The following LMNTD1 variants were observed in gnomAD, a reference collection of about 807,000 sequenced individuals.
LMNTD1 encodes the protein lamin tail domain containing 1.
In LMNTD1, 35 loss-of-function variants were observed where a neutral mutation model predicts 50.9. The ratio of observed to expected loss-of-function variants is 0.69; its 90% CI spans 0.53 to 0.91. The LOEUF is 0.91. LMNTD1 is among the 40% of genes least tolerant of loss of function. The pLI is 0.00. For synonymous variants in LMNTD1, 153 were observed against 161.9 expected (o/e 0.94, Z 0.42); for missense variants, 470 against 475.5 (o/e 0.99, Z 0.11).
chr12:25,506,739 G>A (rs569528042), intron 8 of LMNTD1, among the ~76,000 whole-genome samples: 10 of 149,002 alleles, frequency 6.7e-5, no homozygotes, highest in Admixed American at 2.7e-4. Flanking sequence ...TCAAAAAATT[G>A]GTCTTATTTA....
chr12:25,629,249 C>T (rs1266201849), intron 1 of LMNTD1, among the ~76,000 whole-genome samples: 4 of 152,140 alleles, frequency 2.6e-5, no homozygotes, highest in East Asian at 1.9e-4. Flanking sequence ...AGTAGAGTTA[C>T]GGTTTCTCAC....
At chr12:25,546,650 CA>C (rs1287451109) in intron 3 of LMNTD1, 96 bp from the exon 4 acceptor site, 3 of 660,714 alleles carry the variant, frequency 4.5e-6, no homozygotes, top group Non-Finnish European at 6.7e-6. Context: ...TCTGCTTCTA[CA>C]AAATTATATT....
At chr12:25,631,703 C>A (rs1592122880) in intron 1 of LMNTD1, among the ~76,000 whole-genome samples, 1 of 152,140 alleles carries the variant, frequency 6.6e-6, no homozygotes, top group Admixed American at 6.5e-5. Flanking sequence ...TGAGAAAGAA[C>A]CAGAAAACCA....
intron 1 of LMNTD1, among the ~76,000 whole-genome samples, chr12:25,616,981 A>G (rs1329183301): frequency 6.6e-6 from 1 of 152,186 alleles, no homozygotes; most frequent in Non-Finnish European, 1.5e-5. Context: ...GATGAAGTAT[A>G]CTGTATGTAA....
chr12:25,493,271 A>G (rs1236977349), intron 9 of LMNTD1, among the ~76,000 whole-genome samples: 1 of 152,220 alleles, frequency 6.6e-6, no homozygotes, highest in African/African-American at 2.4e-5. Context: ...GATGATTACA[A>G]TGCATAACAG....
intron 4 of LMNTD1, among the ~76,000 whole-genome samples, chr12:25,530,133 C>T (rs754131130): frequency 1.3e-5 from 2 of 152,098 alleles, no homozygotes; most frequent in African/African-American, 4.8e-5. Flanking sequence ...CTCAGTTTTC[C>T]TCTTTGATGA....
chr12:25,494,096 A>G (rs1938981243), intron 9 of LMNTD1, among the ~76,000 whole-genome samples: 1 of 152,226 alleles, frequency 6.6e-6, no homozygotes, highest in Admixed American at 6.5e-5. Context: ...GGCATAAGAC[A>G]TAAACTTGAA....
intron 9 of LMNTD1, among the ~76,000 whole-genome samples, chr12:25,493,127 T>C (rs1464600416): frequency 6.6e-6 from 1 of 152,224 alleles, no homozygotes; most frequent in Non-Finnish European, 1.5e-5. Flanking sequence ...GTTGTAGTAC[T>C]TCTATGATTC....
chr12:25,503,903 A>G (rs1208982506), intron 8 of LMNTD1, 103 bp from the exon 9 acceptor site: 3 of 603,516 alleles, frequency 5.0e-6, no homozygotes, highest in African/African-American at 3.8e-5. Flanking sequence ...TGTTAAAACA[A>G]ATCCTGGAAT....
At chr12:25,646,885 T>C (rs1014155122) in intron 1 of LMNTD1, among the ~76,000 whole-genome samples, 3 of 152,236 alleles carry the variant, frequency 2.0e-5, no homozygotes, top group Admixed American at 6.5e-5. Context: ...CTTTCAACTT[T>C]GAAATTCAAA....
At chr12:25,629,088 A>T (rs1161374858) in intron 1 of LMNTD1, among the ~76,000 whole-genome samples, 2 of 152,226 alleles carry the variant, frequency 1.3e-5, no homozygotes, top group Non-Finnish European at 2.9e-5. Flanking sequence ...AAGATGTAGA[A>T]ATGTTTATTA....
intron 1 of LMNTD1, among the ~76,000 whole-genome samples, chr12:25,614,394 G>T (rs1250257219): frequency 3.3e-5 from 5 of 152,010 alleles, no homozygotes; most frequent in Non-Finnish European, 7.4e-5. Context: ...CCAGGTATCT[G>T]GGTGACACCT....
intron 4 of LMNTD1, among the ~76,000 whole-genome samples, chr12:25,527,729 C>CAT (rs1941913146): frequency 7.7e-6 from 1 of 129,842 alleles, no homozygotes; most frequent in Non-Finnish European, 1.7e-5. Context: ...CATATACACA[C>CAT]ATATATATAC....
At chr12:25,541,279 A>G (rs1943053921) in intron 4 of LMNTD1, among the ~76,000 whole-genome samples, 1 of 107,254 alleles carries the variant, frequency 9.3e-6, no homozygotes. Context: ...TTCAATCCTA[A>G]GCCAAAAGAA....
intron 1 of LMNTD1, among the ~76,000 whole-genome samples, chr12:25,560,284 G>A (rs540047353): frequency 1.2e-3 from 187 of 152,202 alleles, no homozygotes; most frequent in Non-Finnish European, 2.3e-3. Context: ...TCCCAGCACC[G>A]TTTATTAAAT....
In LMNTD1 at chr12:25,546,527, T is replaced by A. The variant is rs142943069; in HGVS notation, c.338A>T (p.Lys113Ile). The stretch of plus-strand genomic sequence containing the variant: ...CCCAATCATGGGTGATTCATCCTGT[T>A]TCTTCGGAACTGAGAAGGGGCTGGC... ...LDASPFSVPK[K>I]QDESPMIGDG... Residue 113 changes from lysine (K) to isoleucine (I), a missense_variant, in exon 4 of 10, where the codon AAA becomes ATA. Transcript: ENST00000458174. The A allele has an allele frequency of 1.9e-6, 3 of 1,568,986 alleles. No individual in the cohort carries two copies. Among genetic ancestry groups the A allele is most frequent in the Non-Finnish European group, 2.6e-6 (3 of 1,155,488 alleles).
At chr12:25,579,594 G>A (rs556945531) in intron 1 of LMNTD1, among the ~76,000 whole-genome samples, 5 of 152,202 alleles carry the variant, frequency 3.3e-5, no homozygotes, top group African/African-American at 9.6e-5. Context: ...TAGGTGTTCT[G>A]TATGGCACAC....
Position 25,646,797 on chromosome 12 carries a change from T to A in LMNTD1, c.58+1697A>T, listed in dbSNP as rs560104864. Among the ~76,000 whole-genome samples, 22 of 152,308 alleles carry A rather than the reference T, an allele frequency of 1.4e-4. 1 individual carries two copies. Among genetic ancestry groups the A allele is most frequent in the Admixed American group, 1.4e-3 (21 of 15,292 alleles). ...AAAATCCTTAAAAGGTAGGTAAGGA[T>A]CTATTGGAGCTTAGAAAATGTAAAT... On this transcript the variant is annotated intron_variant, in intron 1 of 7. Transcript: ENST00000445693.
intron 1 of LMNTD1, among the ~76,000 whole-genome samples, chr12:25,603,142 T>C (rs1946014953): frequency 6.6e-6 from 1 of 152,110 alleles, no homozygotes. Context: ...AATTATATTA[T>C]CTTTTACTTT....
Sources: allele counts gnomAD v4.1 joint callset (sites outside exome capture counted in the v4.1 genomes callset), GRCh38; gene constraint gnomAD v4.1.1; transcripts MANE v1.5; gene names NCBI Gene and HGNC (gene_info 2026-07-23, HGNC 2026-07-21).